The following CEMIP variants were observed in gnomAD, a reference collection of about 807,000 sequenced individuals.
The protein encoded by CEMIP is cell migration inducing hyaluronidase 1.
A neutral mutation model predicts 156.9 loss-of-function variants in CEMIP; 105 were observed. The observed-to-expected ratio is 0.67, with a 90% CI of 0.57 to 0.79. The LOEUF is 0.79. CEMIP is among the 30% of genes least tolerant of loss of function. The pLI is 0.00. For missense variants in CEMIP, 1,457 were observed against 1,769.4 expected, an observed-to-expected ratio of 0.82 and a Z score of 3.17; for synonymous variants, 676 against 668.4, an observed-to-expected ratio of 1.01 and a Z score of -0.17.
intron 1 of CEMIP, among the ~76,000 whole-genome samples, chr15:80,811,643 C>T (rs1392778210): frequency 6.6e-6 from 1 of 152,354 alleles, no homozygotes; most frequent in South Asian, 2.1e-4. Flanking sequence ...CAACTTCTGC[C>T]TCCCGGAGTC....
At chr15:80,797,022 A>G (rs1896247812) in intron 1 of CEMIP, among the ~76,000 whole-genome samples, 1 of 152,116 alleles carries the variant, frequency 6.6e-6, no homozygotes, top group South Asian at 2.1e-4. Context: ...GCTGGGGTGT[A>G]AGGATGAAGC....
At chr15:80,881,676 G>A (rs72740118) in intron 6 of CEMIP, among the ~76,000 whole-genome samples, 19,113 of 152,202 alleles carry the variant, frequency 0.13, 1,571 homozygotes, top group Non-Finnish European at 0.17. Flanking sequence ...ACAGGACCTC[G>A]GAGGCTGCGG....
Position 80,895,040 on chromosome 15 carries a change from A to T in CEMIP, c.1137A>T (p.Lys379Asn). The stretch of plus-strand genomic sequence containing the variant: ...TCAGCACCGAGGTTGTCTACAAAAA[A>T]GGCCAGGATTATAGGTTTGCTTGCT... ...VNLSTEVVYK[K>N]GQDYRFACYD... The change falls in exon 11 of 30, where the codon AAA (lysine) becomes AAT (asparagine). Residue 379 changes from lysine to asparagine, a missense_variant. Around this residue, in one of 5 missense-constraint regions of CEMIP, gnomAD observed 280 missense variants for 300.3 expected, o/e 0.93. Coordinates refer to ENST00000394685, the MANE Select transcript of CEMIP (RefSeq NM_001293298.2). The T allele has an allele frequency of 6.2e-7, 1 of 1,614,226 alleles. No individual in the cohort carries two copies. Among genetic ancestry groups the T allele is most frequent in the East Asian group, 2.2e-5 (1 of 44,892 alleles).
intron 1 of CEMIP, among the ~76,000 whole-genome samples, chr15:80,800,207 G>A (rs2141600081): frequency 6.6e-6 from 1 of 152,156 alleles, no homozygotes; most frequent in Non-Finnish European, 1.5e-5. Flanking sequence ...TGTTGAAGGG[G>A]TAGCTGAAAT....
At chr15:80,823,513 C>G (rs1596113077) in intron 1 of CEMIP, among the ~76,000 whole-genome samples, 1 of 152,276 alleles carries the variant, frequency 6.6e-6, no homozygotes, top group South Asian at 2.1e-4. Context: ...GCTCAGCTTT[C>G]CAACAGGTCC....
intron 1 of CEMIP, among the ~76,000 whole-genome samples, chr15:80,813,119 A>G (rs1465162328): frequency 1.3e-5 from 2 of 152,206 alleles, no homozygotes; most frequent in East Asian, 3.8e-4. Flanking sequence ...TGAAAACAAG[A>G]GCTAATAGTA....
intron 13 of CEMIP, among the ~76,000 whole-genome samples, chr15:80,908,735 G>A (rs1899913779): frequency 6.6e-6 from 1 of 152,044 alleles, no homozygotes; most frequent in South Asian, 2.1e-4. Context: ...CATGCTTTTT[G>A]CCAGCCCACT....
intron 14 of CEMIP, 52 bp downstream of exon 14, chr15:80,909,358 G>C: frequency 6.4e-7 from 1 of 1,562,452 alleles, no homozygotes; most frequent in Non-Finnish European, 8.8e-7. Context: ...TGGATGGTTA[G>C]CACTGGAGGG....
chr15:80,796,739 CA>C (rs765220002), intron 1 of CEMIP, among the ~76,000 whole-genome samples: 1 of 152,150 alleles, frequency 6.6e-6, no homozygotes, highest in South Asian at 2.1e-4. Context: ...ATGGAGAATG[CA>C]AAACCCAGTA....
rs557865268 is a variant in CEMIP, at chr15:80,795,872, T to C, written c.-176+16258T>C. ...TTGAGCCCAGGAGTTTGAGGCTGCA[T>C]GGAGCCATGATTGTACCACTACACT... On this transcript the variant is annotated intron_variant, in intron 1 of 29. Coordinates refer to ENST00000394685, the MANE Select transcript of CEMIP (RefSeq NM_001293298.2). Among the ~76,000 whole-genome samples, 186 of 152,252 alleles carry C rather than the reference T, an allele frequency of 1.2e-3. 1 individual carries two copies. Among genetic ancestry groups the C allele is most frequent in the African/African-American group, 3.3e-3 (137 of 41,556 alleles).
intron 6 of CEMIP, 30 bp downstream of exon 6, chr15:80,881,166 T>A (rs756324963): frequency 2.4e-5 from 37 of 1,574,416 alleles, no homozygotes; most frequent in Non-Finnish European, 2.4e-5. Context: ...AAACGTATAC[T>A]CATTCATTCA....
Position 80,880,910 on chromosome 15 carries a change from G to A in CEMIP, c.391G>A (p.Gly131Ser), listed in dbSNP as rs1379571103. ...TIILYGRADE[G>S]IQPDPYYGLK... Reference sequence around the variant, plus strand: ...TGTTTTCTCTTGCAGGGCTGATGAAGGTATTCAGCCGGATCCTTACTATGG... The same window carrying A: ...TGTTTTCTCTTGCAGGGCTGATGAAAGTATTCAGCCGGATCCTTACTATGG... Residue 131 changes from glycine to serine, a missense_variant, in exon 6 of 30, where the codon GGT (glycine) becomes AGT (serine). Coordinates refer to ENST00000394685, the MANE Select transcript of CEMIP (RefSeq NM_001293298.2). The A allele has an allele frequency of 3.7e-6, 6 of 1,613,380 alleles. No individual in the cohort carries two copies. Among genetic ancestry groups the A allele is most frequent in the East Asian group, 4.5e-5 (2 of 44,898 alleles).
At chr15:80,880,191 A>G (rs1464711353) in intron 5 of CEMIP, among the ~76,000 whole-genome samples, 1 of 152,218 alleles carries the variant, frequency 6.6e-6, no homozygotes, top group Non-Finnish European at 1.5e-5. Flanking sequence ...TCCATGTGGT[A>G]CTTGCCCCTG....
At chr15:80,831,375 C>A (rs1380345827) in intron 1 of CEMIP, among the ~76,000 whole-genome samples, 1 of 152,080 alleles carries the variant, frequency 6.6e-6, no homozygotes, top group Non-Finnish European at 1.5e-5. Context: ...TCTAAGGTCA[C>A]GTGACAAGCA....
intron 5 of CEMIP, 83 bp from the exon 6 acceptor site, chr15:80,880,817 C>A: frequency 8.9e-7 from 1 of 1,122,746 alleles, no homozygotes. Flanking sequence ...GGGAGCTGAG[C>A]TGTGACTCCT....
At chr15:80,913,305 C>T (rs988917029) in intron 14 of CEMIP, among the ~76,000 whole-genome samples, 2 of 152,244 alleles carry the variant, frequency 1.3e-5, no homozygotes, top group Admixed American at 1.3e-4. Flanking sequence ...ACAAATGTGG[C>T]CTTCTCAACT....
At position 80,873,876 on chromosome 15, in the gene CEMIP, C is replaced by G; in HGVS notation, c.-4C>G. 2 of 1,575,106 alleles carry G rather than the reference C, an allele frequency of 1.3e-6. No individual in the cohort carries two copies. The highest frequency in any genetic ancestry group is 2.3e-5 in the South Asian group (2 of 85,756). ...GCTTCTCTTTCAGGGAGCACACTGCCAGGATGGGAGCTGCTGGGAGGCAGG... is the reference window on the plus strand; with the variant it reads ...GCTTCTCTTTCAGGGAGCACACTGCGAGGATGGGAGCTGCTGGGAGGCAGG... On this transcript the variant is annotated 5_prime_UTR_variant, in exon 3 of 30. Coordinates refer to ENST00000394685, the MANE Select transcript of CEMIP (RefSeq NM_001293298.2).
chr15:80,788,643 C>T (rs547348062), intron 1 of CEMIP, among the ~76,000 whole-genome samples: 3 of 152,236 alleles, frequency 2.0e-5, no homozygotes, highest in African/African-American at 7.2e-5. Flanking sequence ...AAACCTCAAA[C>T]ATAGTGGCTA....
intron 25 of CEMIP, among the ~76,000 whole-genome samples, chr15:80,940,625 T>C (rs904804472): frequency 1.3e-5 from 2 of 152,196 alleles, no homozygotes; most frequent in African/African-American, 4.8e-5. Context: ...TACTTTACTC[T>C]GAGATCACTT....
Sources: allele counts gnomAD v4.1 joint callset (sites outside exome capture counted in the v4.1 genomes callset), GRCh38; gene constraint gnomAD v4.1.1; regional missense constraint gnomAD v4.1.1; transcripts MANE v1.5; gene names NCBI Gene and HGNC (gene_info 2026-07-23, HGNC 2026-07-21).